KCNB2: variants seen among roughly 807,000 people sequenced by gnomAD.
KCNB2 encodes delayed rectifier potassium channel protein.
KCNB2 carries 15 observed loss-of-function variants against 61.5 expected under a neutral mutation model. That is an observed-to-expected ratio of 0.24 (90% CI 0.16 to 0.38). The LOEUF (loss-of-function observed/expected upper bound fraction) is 0.38. KCNB2 is among the 10% of genes least tolerant of loss of function. The pLI, the probability that KCNB2 is intolerant of heterozygous loss-of-function variation, is 1.00. For synonymous variants in KCNB2, 457 were observed against 446.0 expected, an observed-to-expected ratio of 1.02 and a Z score of -0.31; for missense variants, 828 against 1,125.2, an observed-to-expected ratio of 0.74 and a Z score of 3.78.
At chr8:72,793,763 C>T (rs892151929) in intron 2 of KCNB2, among the ~76,000 whole-genome samples, 2 of 152,162 alleles carry the variant, frequency 1.3e-5, no homozygotes, top group African/African-American at 2.4e-5. Flanking sequence ...TTTAAAGCAA[C>T]GTTAACCAGT....
chr8:72,756,678 T>C (rs1339251530), intron 2 of KCNB2, among the ~76,000 whole-genome samples: 3 of 152,194 alleles, frequency 2.0e-5, no homozygotes, highest in African/African-American at 7.2e-5. Context: ...GGTCTAGCTA[T>C]AGCCTCTGAC....
chr8:72,804,342 A>T (rs1809182420), intron 2 of KCNB2, among the ~76,000 whole-genome samples: 2 of 151,924 alleles, frequency 1.3e-5, no homozygotes, highest in African/African-American at 2.4e-5. Context: ...CACTGCTGTG[A>T]TGGAATATGG....
At chr8:72,642,404 T>C (rs1806070005) in intron 2 of KCNB2, among the ~76,000 whole-genome samples, 2 of 152,098 alleles carry the variant, frequency 1.3e-5, no homozygotes, top group South Asian at 4.2e-4. Flanking sequence ...GAATTTCTAG[T>C]AGGCAGCACT....
intron 2 of KCNB2, among the ~76,000 whole-genome samples, chr8:72,583,095 G>T (rs1806933251): frequency 6.6e-6 from 1 of 152,062 alleles, no homozygotes. Flanking sequence ...ATAAATATTA[G>T]GCATTCCTTT....
intron 2 of KCNB2, among the ~76,000 whole-genome samples, chr8:72,873,038 C>T (rs1352368625): frequency 3.3e-5 from 5 of 152,302 alleles, no homozygotes; most frequent in South Asian, 4.1e-4. Flanking sequence ...CCACTGTGTG[C>T]ACCGATGCAG....
chr8:72,800,405 C>A (rs1225421985), intron 2 of KCNB2, among the ~76,000 whole-genome samples: 2 of 152,072 alleles, frequency 1.3e-5, no homozygotes, highest in East Asian at 3.9e-4. Flanking sequence ...GACTATAGAC[C>A]ACTGTGTCTC....
chr8:72,715,432 G>C (rs1456224956), intron 2 of KCNB2, among the ~76,000 whole-genome samples: 1 of 152,126 alleles, frequency 6.6e-6, no homozygotes, highest in Non-Finnish European at 1.5e-5. Flanking sequence ...CTCAGCAAAT[G>C]TAAAAGAACA....
At chr8:72,583,745 C>G (rs113996307) in intron 2 of KCNB2, among the ~76,000 whole-genome samples, 2,330 of 152,118 alleles carry the variant, frequency 0.015, 51 homozygotes, top group African/African-American at 0.05. Context: ...GAGACTGAAT[C>G]CCATTAAATG....
intron 2 of KCNB2, among the ~76,000 whole-genome samples, chr8:72,830,378 C>T (rs899298228): frequency 6.6e-6 from 1 of 152,104 alleles, no homozygotes; most frequent in South Asian, 2.1e-4. Context: ...CCAAGATGGA[C>T]CCATTCAAAG....
At chr8:72,668,374 G>A (rs1047265763) in intron 2 of KCNB2, among the ~76,000 whole-genome samples, 1 of 152,132 alleles carries the variant, frequency 6.6e-6, no homozygotes, top group African/African-American at 2.4e-5. Context: ...AAACTCTCTA[G>A]TGTGGATTAT....
chr8:72,921,183 A>G (rs1399540351), intron 2 of KCNB2, among the ~76,000 whole-genome samples: 1 of 152,156 alleles, frequency 6.6e-6, no homozygotes, highest in Non-Finnish European at 1.5e-5. Context: ...CATTTGGGGT[A>G]GGAATATGGC....
At chr8:72,656,260 A>T (rs1806289484) in intron 2 of KCNB2, among the ~76,000 whole-genome samples, 3 of 152,160 alleles carry the variant, frequency 2.0e-5, no homozygotes, top group Non-Finnish European at 4.4e-5. Flanking sequence ...GCAAAAGATT[A>T]AAAAGGATAA....
intron 2 of KCNB2, among the ~76,000 whole-genome samples, chr8:72,647,357 C>G (rs1806144698): frequency 6.6e-6 from 1 of 151,568 alleles, no homozygotes; most frequent in South Asian, 2.1e-4. Flanking sequence ...CATTGTTTTT[C>G]CTCTTTTATT....
chr8:72,789,742 C>T (rs967107447), intron 2 of KCNB2, among the ~76,000 whole-genome samples: 1 of 151,782 alleles, frequency 6.6e-6, no homozygotes, highest in African/African-American at 2.4e-5. Flanking sequence ...TGATGGGTGC[C>T]CTAACGGGGT....
chr8:72,541,082 T>G (rs1453151978), intron 1 of KCNB2, among the ~76,000 whole-genome samples: 1 of 151,832 alleles, frequency 6.6e-6, no homozygotes, highest in Non-Finnish European at 1.5e-5. Context: ...CACTTAATAA[T>G]TTTATACTTA....
intron 2 of KCNB2, among the ~76,000 whole-genome samples, chr8:72,663,484 G>C (rs918538528): frequency 6.6e-6 from 1 of 152,146 alleles, no homozygotes; most frequent in Non-Finnish European, 1.5e-5. Flanking sequence ...GTGCCATGCT[G>C]GGTGTTGGGG....
At chr8:72,893,108 A>G (rs1363193709) in intron 2 of KCNB2, among the ~76,000 whole-genome samples, 4 of 152,000 alleles carry the variant, frequency 2.6e-5, no homozygotes, top group African/African-American at 9.7e-5. Context: ...ATTAAAAAAA[A>G]AAAAAAACTA....
intron 2 of KCNB2, among the ~76,000 whole-genome samples, chr8:72,683,829 G>A (rs573614238): frequency 6.6e-6 from 1 of 152,312 alleles, no homozygotes; most frequent in Admixed American, 6.5e-5. Flanking sequence ...TGCAGAGATG[G>A]GGCACTTAGG....
chr8:72,725,577 A>ATGTATG (rs1397992108), intron 2 of KCNB2, among the ~76,000 whole-genome samples: 5 of 65,734 alleles, frequency 7.6e-5, no homozygotes, highest in African/African-American at 3.8e-4. Flanking sequence ...ATATATATGT[A>ATGTATG]TATATATATG....
Sources: gnomAD v4.1 joint callset for allele counts (sites outside exome capture counted in the v4.1 genomes callset) on GRCh38, gnomAD v4.1.1 for gene constraint, MANE v1.5 for transcripts, NCBI Gene and HGNC (gene_info 2026-07-23, HGNC 2026-07-21) for gene names.